Variants in PACSIN1 observed in about 807,000 individuals in gnomAD.
The protein encoded by PACSIN1 is protein kinase C and casein kinase substrate in neurons 1.
In PACSIN1, 15 loss-of-function variants were observed where a neutral mutation model predicts 59.5. That is an observed-to-expected ratio of 0.25 (90% confidence interval 0.17 to 0.39). The LOEUF is 0.39. Among genes scored for constraint, PACSIN1 ranks in the 10% least tolerant of loss-of-function variants. The pLI, the probability that PACSIN1 is intolerant of heterozygous loss-of-function variation, is 1.00. For synonymous variants in PACSIN1, 210 were observed against 220.6 expected, an observed-to-expected ratio of 0.95 and a Z score of 0.42; for missense variants, 420 against 580.2, an observed-to-expected ratio of 0.72 and a Z score of 2.84.
intron 1 of PACSIN1, among the ~76,000 whole-genome samples, chr6:34,484,526 A>G (rs1228623795): frequency 6.6e-6 from 1 of 152,222 alleles, no homozygotes; most frequent in East Asian, 1.9e-4. Context: ...CTATGATGGT[A>G]GATACATGTC....
In PACSIN1 at chr6:34,518,973, G is replaced by A. The variant is rs955760847; in HGVS notation, c.-63-7270G>A. 6.6e-6 allele frequency among the ~76,000 whole-genome samples: 1 copy of A among 152,206 alleles called. No individual in the cohort carries two copies. The highest frequency in any genetic ancestry group is 1.5e-5 in the Non-Finnish European group (1 of 68,030). On this transcript the variant is annotated intron_variant, in intron 1 of 9. Transcript: ENST00000244458. This position sits in a 1 kb window ranked among gnomAD's most constrained non-coding sequence, Gnocchi z 4.4. ...TCTTGTCTACTTGGCTTGAGAGCAGGGGAGGGATGTGGGCCTTTTGGGGTG... is the reference window on the plus strand; with the variant it reads ...TCTTGTCTACTTGGCTTGAGAGCAGAGGAGGGATGTGGGCCTTTTGGGGTG...
chr6:34,511,627 C>T (rs770987803), intron 1 of PACSIN1, among the ~76,000 whole-genome samples: 5 of 152,134 alleles, frequency 3.3e-5, no homozygotes, highest in Non-Finnish European at 7.4e-5. Context: ...ACCCCACATG[C>T]TTAGCCACCT....
chr6:34,494,869 C>A (rs1766925864), intron 1 of PACSIN1, among the ~76,000 whole-genome samples: 1 of 152,204 alleles, frequency 6.6e-6, no homozygotes, highest in African/African-American at 2.4e-5. Context: ...CTGTGCTCAT[C>A]CTCTCCCTCA....
intron 1 of PACSIN1, among the ~76,000 whole-genome samples, chr6:34,478,375 T>C (rs1400432742): frequency 7.7e-6 from 1 of 129,088 alleles, no homozygotes; most frequent in Non-Finnish European, 1.6e-5. Context: ...TCTTCTTTTT[T>C]TTTTTTTTTT....
At chr6:34,509,643 TG>T (rs1230194782) in intron 1 of PACSIN1, among the ~76,000 whole-genome samples, 1 of 151,914 alleles carries the variant, frequency 6.6e-6, no homozygotes, top group Admixed American at 6.6e-5. Context: ...GTCTGTAGAT[TG>T]CTTTGAGTAG....
intron 1 of PACSIN1, among the ~76,000 whole-genome samples, chr6:34,471,389 A>G (rs1384286334): frequency 4.6e-5 from 7 of 152,242 alleles, no homozygotes; most frequent in Admixed American, 4.6e-4. Flanking sequence ...AAACATTAAC[A>G]CATCCATTTT....
intron 4 of PACSIN1, 30 bp downstream of exon 4, chr6:34,528,907 T>TGGGGGGGGGGCCCGGGGGGGGGGG: frequency 4.0e-6 from 1 of 250,434 alleles, no homozygotes; most frequent in Non-Finnish European, 7.9e-6. Flanking sequence ...ACGGGCGGGG[T>TGGGGGGGGGGCCCGGGGGGGGGGG]GGGGTGGGCC....
chr6:34,528,580 T>G, intron 3 of PACSIN1, 62 bp from the exon 4 acceptor site: 1 of 1,178,794 alleles, frequency 8.5e-7, no homozygotes. Flanking sequence ...AGAAGGGAGA[T>G]GTGAGGGGGG....
chr6:34,528,611 A>G (rs1204286925), intron 3 of PACSIN1, 31 bp from the exon 4 acceptor site: 1 of 1,526,212 alleles, frequency 6.6e-7, no homozygotes, highest in East Asian at 2.2e-5. Context: ...AGGGGCAATG[A>G]GGTTCTTGTG....
intron 1 of PACSIN1, among the ~76,000 whole-genome samples, chr6:34,474,564 T>C (rs1235729501): frequency 2.6e-5 from 4 of 151,954 alleles, no homozygotes; most frequent in Admixed American, 2.6e-4. Flanking sequence ...CCGAGGCAGG[T>C]GGATCACCTG....
In PACSIN1 at chr6:34,530,825, G is replaced by A. The variant is rs993103151; in HGVS notation, c.1037+238G>A. ...AGCGGGGTGGTTTTCGGATGAAACT[G>A]TTCCACCTCAGATCATCAGGCGTTA... On this transcript the variant is annotated intron_variant, in intron 8 of 9. Transcript: ENST00000244458. This position sits in a 1 kb window ranked among gnomAD's most constrained non-coding sequence, Gnocchi z 4.4. Among the ~76,000 whole-genome samples, 1 of 152,230 alleles carries A rather than the reference G, an allele frequency of 6.6e-6. No homozygotes were observed. Among genetic ancestry groups the A allele is most frequent in the Non-Finnish European group, 1.5e-5 (1 of 68,032 alleles).
intron 1 of PACSIN1, among the ~76,000 whole-genome samples, chr6:34,477,321 T>C (rs1419452720): frequency 6.7e-6 from 1 of 148,672 alleles, no homozygotes; most frequent in Non-Finnish European, 1.5e-5. Flanking sequence ...GGAGATGCTG[T>C]CTCTATTTAA....
intron 3 of PACSIN1, chr6:34,527,770 T>C: frequency 3.7e-6 from 1 of 268,002 alleles, no homozygotes; most frequent in Non-Finnish European, 7.0e-6. Flanking sequence ...TACATACCCT[T>C]CCCCCAGGCT....
Position 34,531,857 on chromosome 6 carries a change from GC to G in PACSIN1, c.1225+71del. The G allele has an allele frequency of 7.0e-7, 1 of 1,433,004 alleles. No homozygotes were observed. Among genetic ancestry groups the G allele is most frequent in the Non-Finnish European group, 9.4e-7 (1 of 1,062,134 alleles). 88.8% of individuals were successfully genotyped at this position (1,433,004 alleles called of 1,614,324 possible). A position where few individuals can be genotyped will look rare whatever the true frequency, so the allele number is the denominator to read the frequency against. ...GGATTGGGTGTGTGGTGGTGCAGGGGCGGTGCCTGAGAGAGAAGCTTGGGTC... is the reference window on the plus strand; with the variant it reads ...GGATTGGGTGTGTGGTGGTGCAGGGGGGTGCCTGAGAGAGAAGCTTGGGTC... On this transcript the variant is annotated intron_variant, in intron 9 of 9. Transcript: ENST00000244458. This position sits in a 1 kb window ranked among gnomAD's most constrained non-coding sequence, Gnocchi z 4.4.
intron 1 of PACSIN1, among the ~76,000 whole-genome samples, chr6:34,497,958 A>G (rs765434720): frequency 6.6e-6 from 1 of 152,214 alleles, no homozygotes; most frequent in Non-Finnish European, 1.5e-5. Flanking sequence ...CAGGCTGCCC[A>G]TGGGAATCAC....
At chr6:34,467,371 G>C (rs1207857851) in intron 1 of PACSIN1, among the ~76,000 whole-genome samples, 1 of 152,166 alleles carries the variant, frequency 6.6e-6, no homozygotes, top group African/African-American at 2.4e-5. Context: ...ACCAAAGCAG[G>C]GTTTGGCACC....
intron 1 of PACSIN1, among the ~76,000 whole-genome samples, chr6:34,500,422 A>C (rs1433099448): frequency 6.6e-6 from 1 of 152,250 alleles, no homozygotes; most frequent in Non-Finnish European, 1.5e-5. Flanking sequence ...GTCAATAAGC[A>C]GCAATATTTT....
chr6:34,499,802 A>G (rs1033669887), intron 1 of PACSIN1, among the ~76,000 whole-genome samples: 18 of 152,274 alleles, frequency 1.2e-4, no homozygotes, highest in Admixed American at 9.8e-4. Context: ...TCTCAATAAA[A>G]AAAAAAAGAA....
rs1450080485 is a variant in PACSIN1 at position 34,506,464 on chromosome 6, C to T, written c.-63-19779C>T. On this transcript the variant is annotated intron_variant, in intron 1 of 9. Transcript: ENST00000244458. The stretch of plus-strand genomic sequence containing the variant: ...TCCTGGCCTCAAGTGATCCTCCTGC[C>T]TTGGTCTCCTAAAGTGCTAGAATTG... Among the ~76,000 whole-genome samples the T allele has an allele frequency of 1.3e-5, 2 of 152,334 alleles. 1 individual carries two copies.
Sources: allele counts gnomAD v4.1 joint callset (sites outside exome capture counted in the v4.1 genomes callset), GRCh38; gene constraint gnomAD v4.1.1; non-coding constraint Gnocchi (gnomAD v3.1); transcripts MANE v1.5; gene names NCBI Gene and HGNC (gene_info 2026-07-23, HGNC 2026-07-21).